The following AFF3 variants were observed in gnomAD, a reference collection of about 807,000 sequenced individuals.
AFF3 encodes the protein AF4/FMR2 family member 3.
Under a neutral mutation model 129.7 loss-of-function variants are expected in AFF3, and 32 were observed. The observed-to-expected ratio is 0.25, with a 90% CI of 0.19 to 0.33. The LOEUF (loss-of-function observed/expected upper bound fraction) is 0.33. Among genes scored for constraint, AFF3 ranks in the 10% least tolerant of loss-of-function variants. The probability of loss-of-function intolerance (pLI) is 1.00; values close to 1 mark genes in which losing one functional copy is unlikely to be tolerated. For missense variants in AFF3, 1,373 were observed against 1,592.0 expected (o/e 0.86, Z 2.34); for synonymous variants, 644 against 635.4 (o/e 1.01, Z -0.20).
intron 7 of AFF3, among the ~76,000 whole-genome samples, chr2:99,911,215 A>G (rs1695089156): frequency 2.0e-5 from 3 of 152,066 alleles, no homozygotes; most frequent in Middle Eastern, 3.4e-3. Context: ...ATGTGGCACT[A>G]TGGGTCTTCA....
intron 7 of AFF3, among the ~76,000 whole-genome samples, chr2:99,838,889 T>C (rs1689097809): frequency 6.6e-6 from 1 of 152,218 alleles, no homozygotes; most frequent in South Asian, 2.1e-4. Context: ...GCCAGCTCAT[T>C]CCTTGTCCTG....
intron 8 of AFF3, among the ~76,000 whole-genome samples, chr2:99,808,842 A>G (rs1240485357): frequency 6.6e-6 from 1 of 152,254 alleles, no homozygotes; most frequent in African/African-American, 2.4e-5. Flanking sequence ...CACAGAGACT[A>G]TTAATGCTAC....
At chr2:99,826,014 A>C (rs1688051605) in intron 8 of AFF3, among the ~76,000 whole-genome samples, 2 of 146,856 alleles carry the variant, frequency 1.4e-5, no homozygotes, top group Admixed American at 7.0e-5. Flanking sequence ...TCACTTAAAA[A>C]ATTTTTTTTT....
intron 12 of AFF3, among the ~76,000 whole-genome samples, chr2:99,671,370 T>C (rs1232887622): frequency 6.6e-6 from 1 of 151,834 alleles, no homozygotes; most frequent in African/African-American, 2.4e-5. Context: ...TTTGCCCAGT[T>C]AACCTTCTTC....
chr2:99,819,019 T>TCCA (rs1687451620), intron 8 of AFF3, among the ~76,000 whole-genome samples: 1 of 152,232 alleles, frequency 6.6e-6, no homozygotes, highest in African/African-American at 2.4e-5. Flanking sequence ...AAATGAATGT[T>TCCA]CCACCAGGGG....
chr2:100,128,572 G>C (rs746777347), intron 2 of AFF3, among the ~76,000 whole-genome samples: 2 of 152,110 alleles, frequency 1.3e-5, no homozygotes, highest in Non-Finnish European at 2.9e-5. Context: ...ATAAACGTTG[G>C]TTATTGTTAT....
intron 8 of AFF3, 21 bp from the exon 9 acceptor site, chr2:99,752,322 A>G (rs754414280): frequency 6.2e-7 from 1 of 1,600,572 alleles, no homozygotes; most frequent in South Asian, 1.1e-5. Context: ...GGATAAAAAC[A>G]AACAATATTG....
chr2:99,707,300 A>G (rs1224274389), intron 11 of AFF3: 1 of 985,286 alleles, frequency 1.0e-6, no homozygotes, highest in Non-Finnish European at 1.2e-6. Flanking sequence ...TTGTCTGGTT[A>G]GAGATTAAAG....
chr2:99,792,385 T>C (rs1252383998), intron 8 of AFF3, among the ~76,000 whole-genome samples: 1 of 151,884 alleles, frequency 6.6e-6, no homozygotes, highest in Non-Finnish European at 1.5e-5. Flanking sequence ...GGTGGGAGGA[T>C]CTCCTGAGCC....
intron 13 of AFF3, among the ~76,000 whole-genome samples, chr2:99,622,988 T>C (rs1199060041): frequency 1.3e-5 from 2 of 152,032 alleles, no homozygotes; most frequent in African/African-American, 4.8e-5. Context: ...GCAGAAAAGA[T>C]GAGTGAGAGA....
At chr2:99,787,874 T>G (rs1161101030) in intron 8 of AFF3, among the ~76,000 whole-genome samples, 2 of 152,206 alleles carry the variant, frequency 1.3e-5, no homozygotes, top group Non-Finnish European at 2.9e-5. Context: ...GTTATGATAC[T>G]TCTCAGAACT....
chr2:99,821,780 G>A (rs1325342789), intron 8 of AFF3, among the ~76,000 whole-genome samples: 1 of 152,142 alleles, frequency 6.6e-6, no homozygotes, highest in Non-Finnish European at 1.5e-5. Context: ...ACCTCGTGAT[G>A]ACCAAAACAT....
chr2:99,954,685 T>C (rs1194996784), intron 7 of AFF3, among the ~76,000 whole-genome samples: 6 of 144,392 alleles, frequency 4.2e-5, no homozygotes, highest in Non-Finnish European at 8.9e-5. Context: ...AAACACCGCA[T>C]ATTCTCACTC....
intron 7 of AFF3, among the ~76,000 whole-genome samples, chr2:99,858,335 C>G (rs1472937738): frequency 6.7e-6 from 1 of 148,218 alleles, no homozygotes; most frequent in Admixed American, 6.8e-5. Flanking sequence ...TGCTTGAGCC[C>G]AGGAGTTGGA....
chr2:99,975,606 G>A (rs1308400067), intron 7 of AFF3, among the ~76,000 whole-genome samples: 2 of 152,074 alleles, frequency 1.3e-5, no homozygotes, highest in African/African-American at 4.8e-5. Context: ...GGAAGCAGTA[G>A]GAGGCAGGAG....
intron 16 of AFF3, among the ~76,000 whole-genome samples, chr2:99,585,515 T>A (rs1678014621): frequency 6.6e-6 from 1 of 152,166 alleles, no homozygotes; most frequent in Non-Finnish European, 1.5e-5. Flanking sequence ...AAGAGGCTCT[T>A]CCAGGCTAAG....
intron 8 of AFF3, among the ~76,000 whole-genome samples, chr2:99,813,160 C>T (rs1198061234): frequency 6.6e-6 from 1 of 152,022 alleles, no homozygotes; most frequent in Non-Finnish European, 1.5e-5. Flanking sequence ...AGTAGGTACA[C>T]ATGACAGGGT....
At chr2:100,118,109 T>TG (rs1559134520) in intron 2 of AFF3, among the ~76,000 whole-genome samples, 2 of 152,358 alleles carry the variant, frequency 1.3e-5, no homozygotes, top group Admixed American at 6.5e-5. Context: ...CTATCTTTTC[T>TG]GGAGCAGGGT....
intron 4 of AFF3, among the ~76,000 whole-genome samples, chr2:100,095,893 G>A (rs1195656755): frequency 3.3e-5 from 5 of 152,194 alleles, no homozygotes; most frequent in African/African-American, 9.6e-5. Context: ...CGGTAACGGC[G>A]CAGAGAGAAG....
Sources: allele counts gnomAD v4.1 joint callset (sites outside exome capture counted in the v4.1 genomes callset), GRCh38; gene constraint gnomAD v4.1.1; transcripts MANE v1.5; gene names NCBI Gene and HGNC (gene_info 2026-07-23, HGNC 2026-07-21).